POLI: variants seen among roughly 807,000 people sequenced by gnomAD.
POLI encodes DNA polymerase iota, also known as RAD30 homolog B.
Under a neutral mutation model 51.6 loss-of-function variants are expected in POLI, and 58 were observed. The ratio of observed to expected loss-of-function variants is 1.12; its 90% CI spans 0.91 to 1.40. POLI has a LOEUF of 1.40. POLI is among the 40% of genes most tolerant of loss of function. POLI has a pLI of 0.00. For synonymous variants in POLI, 322 were observed against 299.7 expected (o/e 1.07, Z -0.77); for missense variants, 921 against 871.3 (o/e 1.06, Z -0.72).
chr18:54,291,667 T>G (rs2088015995), intron 8 of POLI, 166 bp from the exon 9 acceptor site: 2 of 431,058 alleles, frequency 4.6e-6, no homozygotes, highest in African/African-American at 2.0e-5. Flanking sequence ...TCAAATCTTT[T>G]GAAAATTTTT....
chr18:54,287,217 G>A, intron 7 of POLI, 64 bp from the exon 8 acceptor site: 1 of 1,181,736 alleles, frequency 8.5e-7, no homozygotes, highest in Admixed American at 2.2e-5. Flanking sequence ...TAAATGAGAT[G>A]TTACATAATT....
Position 54,297,936 on chromosome 18 carries a change from T to A in POLI, c.*3469T>A. 17 of 981,832 alleles carry A rather than the reference T, an allele frequency of 1.7e-5. No homozygotes were observed. The highest frequency in any genetic ancestry group is 1.9e-5 in the Non-Finnish European group (16 of 826,644). 60.8% of individuals were successfully genotyped at this position (981,832 alleles called of 1,614,324 possible). A position where few individuals can be genotyped will look rare whatever the true frequency, so the allele number is the denominator to read the frequency against. ...GAATTCTTTATACCTTCTGAAATTA[T>A]GTCCTTAGAGCTGTAGATTTAGAAC... On this transcript the variant is annotated 3_prime_UTR_variant, in exon 10 of 10. Transcript: ENST00000579534.
chr18:54,309,254 A>G (rs1035222953), intron 3 of POLI, among the ~76,000 whole-genome samples: 1 of 152,164 alleles, frequency 6.6e-6, no homozygotes, highest in East Asian at 1.9e-4. Context: ...ATCGTGACCT[A>G]CAGATGGGGT....
At position 54,269,565 on chromosome 18, in the gene POLI, G is replaced by T; in HGVS notation, c.19G>T (p.Glu7Ter). 2 of 1,488,102 alleles carry T rather than the reference G, an allele frequency of 1.3e-6. No individual in the cohort carries two copies. Among genetic ancestry groups the T allele is most frequent in the Non-Finnish European group, 1.8e-6 (2 of 1,127,678 alleles). 92.2% of individuals were successfully genotyped at this position (1,488,102 alleles called of 1,614,324 possible). A position where few individuals can be genotyped will look rare whatever the true frequency, so the allele number is the denominator to read the frequency against. The change falls in exon 1 of 10, where the codon GAG (glutamate) becomes TAG (stop). Residue 7 changes from glutamate (E) to a stop codon, truncating the protein, a stop_gained. Transcript: ENST00000579534. LOFTEE classifies it high-confidence loss of function. MEKLGV[E>*]PEEEGGGDDD... ...CGGCGGGATGGAGAAGCTGGGGGTGGAGCCGGAGGAGGAAGGCGGCGGCGA... is the reference window on the plus strand; with the variant it reads ...CGGCGGGATGGAGAAGCTGGGGGTGTAGCCGGAGGAGGAAGGCGGCGGCGA...
Position 54,294,912 on chromosome 18 carries a change from T to C in POLI, c.*445T>C. On this transcript the variant is annotated 3_prime_UTR_variant, in exon 10 of 10. Coordinates refer to ENST00000579534, the MANE Select transcript of POLI (RefSeq NM_007195.3). Reference sequence around the variant, plus strand: ...ACTGCCAACTAACCTATTAAAAATATAGATAGTTTTGACTAAAGTACTACA... The same window carrying C: ...ACTGCCAACTAACCTATTAAAAATACAGATAGTTTTGACTAAAGTACTACA... 1 of 979,104 alleles carries C rather than the reference T, an allele frequency of 1.0e-6. No homozygotes were observed. Among genetic ancestry groups the C allele is most frequent in the Non-Finnish European group, 1.2e-6 (1 of 824,452 alleles). The allele number at this position is 979,104 out of a possible 1,614,324, so 60.7% of individuals were successfully genotyped here. A position where few individuals can be genotyped will look rare whatever the true frequency, so the allele number is the denominator to read the frequency against.
rs763093427 is a variant in POLI, at chr18:54,294,356, C to T, written c.2112C>T (p.Phe704=). The T allele has an allele frequency of 5.0e-6, 8 of 1,613,468 alleles. No individual in the cohort carries two copies. The African/African-American group carries it at 1.1e-4, about 22-fold the overall frequency. The part of the protein sequence containing the change: ...EPDSVDEKIT[F]PSDIDPQVFY... ...ATTCTGTTGATGAGAAAATTACTTTCCCTTCTGACATTGATCCTCAAGTTT... is the reference window on the plus strand; with the variant it reads ...ATTCTGTTGATGAGAAAATTACTTTTCCTTCTGACATTGATCCTCAAGTTT... The change falls in exon 10 of 10, where the codon TTC becomes TTT. Residue 704 remains phenylalanine (F), a synonymous_variant. Transcript: ENST00000579534.
intron 3 of POLI, among the ~76,000 whole-genome samples, chr18:54,309,827 G>GCAGTT (rs1568159891): frequency 6.6e-6 from 1 of 152,182 alleles, no homozygotes; most frequent in Admixed American, 6.5e-5. Flanking sequence ...AAGCCACCTC[G>GCAGTT]CAGTTCCATC....
chr18:54,318,418 C>T (rs2088759660), intron 3 of POLI, among the ~76,000 whole-genome samples: 1 of 152,132 alleles, frequency 6.6e-6, no homozygotes. Flanking sequence ...TTTTCATTGA[C>T]ATTAGATATA....
intron 3 of POLI, among the ~76,000 whole-genome samples, chr18:54,303,722 C>G (rs1342010068): frequency 6.6e-6 from 1 of 150,652 alleles, no homozygotes; most frequent in Non-Finnish European, 1.5e-5. Context: ...GGCATGCATT[C>G]TCAGATGATA....
At position 54,294,240 on chromosome 18, in the gene POLI, C is replaced by T; in HGVS notation, c.1996C>T (p.Gln666Ter). The change falls in exon 10 of 10, where the codon CAA becomes TAA. Residue 666 changes from glutamine to a stop codon, truncating the protein, a stop_gained. Coordinates refer to ENST00000579534, the MANE Select transcript of POLI (RefSeq NM_007195.3). LOFTEE classifies it high-confidence loss of function. ...FHSFPNLQSEQLFSRNHTTDS... is the reference protein window; with the variant it reads ...FHSFPNLQSE ...TTCATTTCCAAACTTGCAGAGTGAG[C>T]AACTTTTCTCCAGAAACCACACTAC... 1 of 1,613,660 alleles carries T rather than the reference C, an allele frequency of 6.2e-7. No homozygotes were observed. The highest frequency in any genetic ancestry group is 8.5e-7 in the Non-Finnish European group (1 of 1,179,674).
intron 3 of POLI, among the ~76,000 whole-genome samples, chr18:54,274,462 A>G (rs959372677): frequency 9.2e-5 from 14 of 152,052 alleles, no homozygotes; most frequent in African/African-American, 4.8e-5. Flanking sequence ...TGCACTAATG[A>G]TAATTGAAAG....
At chr18:54,287,260 C>T (rs1205821929) in intron 7 of POLI, 21 bp from the exon 8 acceptor site, 1 of 1,505,980 alleles carries the variant, frequency 6.6e-7, no homozygotes, top group East Asian at 2.4e-5. Context: ...TTCCTTATTT[C>T]CACTTTCTCT....
chr18:54,278,802 A>G (rs1198648020), intron 4 of POLI, among the ~76,000 whole-genome samples: 6 of 152,210 alleles, frequency 3.9e-5, no homozygotes, highest in Admixed American at 6.5e-5. Context: ...ATCATACCAC[A>G]TACAAGACAA....
chr18:54,294,120 G>T lies in POLI; in HGVS notation c.1876G>T (p.Asp626Tyr), dbSNP rs1051886120. The T allele has an allele frequency of 1.2e-6, 2 of 1,606,932 alleles. No individual in the cohort carries two copies. Among genetic ancestry groups the T allele is most frequent in the Non-Finnish European group, 1.7e-6 (2 of 1,173,894 alleles). ...CCAAAAGGATTATTCATATTATTTA[G>T]ATAATAGATTAAAAGATGAACGAAT... ...SSQKDYSYYL[D>Y]NRLKDERISQ... Residue 626 changes from aspartate to tyrosine, a missense_variant, in exon 10 of 10, where the codon GAT becomes TAT. Coordinates refer to ENST00000579534, the MANE Select transcript of POLI (RefSeq NM_007195.3).
intron 3 of POLI, among the ~76,000 whole-genome samples, chr18:54,305,912 C>A (rs1410359386): frequency 6.6e-5 from 10 of 152,222 alleles, no homozygotes; most frequent in Middle Eastern, 3.4e-3. Flanking sequence ...GTGCCTGCCA[C>A]TACGCCTGGC....
intron 5 of POLI, among the ~76,000 whole-genome samples, chr18:54,281,542 C>T (rs1000898751): frequency 6.6e-6 from 1 of 152,110 alleles, no homozygotes; most frequent in African/African-American, 2.4e-5. Flanking sequence ...AGATGTCATA[C>T]TTCACATTTT....
In POLI at chr18:54,294,072, A is replaced by G; in HGVS notation, c.1828A>G (p.Ser610Gly). Residue 610 changes from serine (S) to glycine (G), a missense_variant, in exon 10 of 10, where the codon AGT becomes GGT. By Grantham distance (56) the Ser-to-Gly change is moderately conservative. Transcript: ENST00000579534. ...CEPGTSGFNS[S>G]SSSYMSSQKD... ...ACCGGGAACATCAGGCTTTAATAGC[A>G]GTAGTTCTTCTTACATGTCTAGCCA... 4 of 1,611,228 alleles carry G rather than the reference A, an allele frequency of 2.5e-6. No homozygotes were observed. The highest frequency in any genetic ancestry group is 2.5e-6 in the Non-Finnish European group (3 of 1,177,444).
At chr18:54,302,943 G>A (rs1314260170), downstream of POLI, among the ~76,000 whole-genome samples, 2 of 152,060 alleles carry the variant, frequency 1.3e-5, no homozygotes, top group African/African-American at 4.8e-5. Context: ...TGTTGCAAAT[G>A]TTTCTCAATT....
chr18:54,281,201 C>T (rs148121808), intron 5 of POLI, among the ~76,000 whole-genome samples: 2 of 152,122 alleles, frequency 1.3e-5, no homozygotes, highest in East Asian at 1.9e-4. Context: ...ATTTCCAGTC[C>T]CTGGGTCATA....
Sources: allele counts gnomAD v4.1 joint callset (sites outside exome capture counted in the v4.1 genomes callset), GRCh38; gene constraint gnomAD v4.1.1; transcripts MANE v1.5; gene names NCBI Gene and HGNC (gene_info 2026-07-23, HGNC 2026-07-21).